AR: variants seen among roughly 807,000 people sequenced by gnomAD.
AR encodes the protein androgen receptor, also known as dihydrotestosterone receptor.
Under a neutral mutation model 53.9 loss-of-function variants are expected in AR, and 8 were observed. That is an observed-to-expected ratio of 0.15 (90% CI 0.09 to 0.27). The LOEUF (loss-of-function observed/expected upper bound fraction) is 0.27. Among genes scored for constraint, AR ranks in the 10% least tolerant of loss-of-function variants. AR has a pLI of 1.00. For synonymous variants in AR, 359 were observed against 316.4 expected, an observed-to-expected ratio of 1.13 and a Z score of -1.43; for missense variants, 639 against 742.5, an observed-to-expected ratio of 0.86 and a Z score of 1.62.
intron 1 of AR, among the ~76,000 whole-genome samples, chrX:67,627,817 G>A (rs1394592872): frequency 1.8e-5 from 2 of 111,600 alleles, no homozygotes; most frequent in South Asian, 3.8e-4. Flanking sequence ...TTTTGTATAA[G>A]GTGTAAGGAA....
At chrX:67,667,698 G>A (rs745998229) in intron 2 of AR, among the ~76,000 whole-genome samples, 15 of 111,244 alleles carry the variant, frequency 1.3e-4, no homozygotes, top group Non-Finnish European at 2.3e-4. Flanking sequence ...CACGAACATG[G>A]AATATCCTTC....
rs981449049 is a variant in AR at position 67,723,899 on chromosome X, C to T, written c.*58C>T. ...CATGCCCCCTTTCAGATGTCTTCTG[C>T]CTGTTATAACTCTGCACTACTCCTC... On this transcript the variant is annotated 3_prime_UTR_variant, in exon 8 of 8. Transcript: ENST00000374690. The T allele has an allele frequency of 8.5e-7, 1 of 1,175,575 alleles. No individual in the cohort carries two copies. The highest frequency in any genetic ancestry group is 1.2e-6 in the Non-Finnish European group (1 of 869,183).
intron 1 of AR, among the ~76,000 whole-genome samples, chrX:67,592,172 A>G (rs1922860129): frequency 8.9e-6 from 1 of 111,877 alleles, no homozygotes; most frequent in Non-Finnish European, 1.9e-5. Flanking sequence ...GAAATTAGCC[A>G]TATTAGGTTT....
intron 1 of AR, among the ~76,000 whole-genome samples, chrX:67,628,097 T>G (rs1273721276): frequency 9.0e-6 from 1 of 111,685 alleles, no homozygotes; most frequent in Non-Finnish European, 1.9e-5. Flanking sequence ...TTCTTTTGGC[T>G]TAGGATTGAC....
At chrX:67,589,419 G>A (rs1204645813) in intron 1 of AR, among the ~76,000 whole-genome samples, 1 of 112,255 alleles carries the variant, frequency 8.9e-6, no homozygotes, top group Admixed American at 9.4e-5. Context: ...GAGTGTGTAT[G>A]TTAGTATGTT....
intron 1 of AR, among the ~76,000 whole-genome samples, chrX:67,627,416 G>C (rs1924736012): frequency 8.9e-6 from 1 of 112,246 alleles, no homozygotes; most frequent in Admixed American, 9.4e-5. Flanking sequence ...TTTTTTGGGT[G>C]CATAAATGTC....
At chrX:67,606,578 T>C (rs1923634699) in intron 1 of AR, among the ~76,000 whole-genome samples, 1 of 112,399 alleles carries the variant, frequency 8.9e-6, no homozygotes. Flanking sequence ...TTTGAAGATA[T>C]TGAACTGTTT....
chrX:67,654,834 G>A (rs1337077), intron 2 of AR, among the ~76,000 whole-genome samples: 6,167 of 96,312 alleles, frequency 0.064, 611 homozygotes, highest in African/African-American at 0.23. Context: ...AAGCTGGATT[G>A]TCTTTTATCT....
intron 1 of AR, among the ~76,000 whole-genome samples, chrX:67,566,234 C>T (rs1241356422): frequency 9.0e-6 from 1 of 111,421 alleles, no homozygotes; most frequent in South Asian, 3.7e-4. Context: ...TCCTGAGTAC[C>T]AACTTTCTAT....
intron 3 of AR, among the ~76,000 whole-genome samples, chrX:67,703,709 A>G (rs781439661): frequency 2.7e-5 from 3 of 111,937 alleles, no homozygotes; most frequent in South Asian, 3.8e-4. Flanking sequence ...GGTTTGTTAC[A>G]TATGTATACA....
intron 1 of AR, among the ~76,000 whole-genome samples, chrX:67,583,291 C>A (rs1048911799): frequency 4.5e-5 from 5 of 112,060 alleles, no homozygotes; most frequent in African/African-American, 9.7e-5. Context: ...ACATTCTATT[C>A]ACATGCTTCA....
At chrX:67,587,939 C>T (rs1480965239) in intron 1 of AR, among the ~76,000 whole-genome samples, 2 of 109,828 alleles carry the variant, frequency 1.8e-5, no homozygotes, top group African/African-American at 6.7e-5. Context: ...GGCATGCATT[C>T]TGAAGTCTGC....
At chrX:67,615,718 A>G (rs1402522075) in intron 1 of AR, among the ~76,000 whole-genome samples, 1 of 111,943 alleles carries the variant, frequency 8.9e-6, no homozygotes, top group African/African-American at 3.2e-5. Flanking sequence ...GTAAAATTGT[A>G]TTGTTATTTG....
At chrX:67,694,874 T>C in intron 3 of AR, 1 of 1,069,964 alleles carries the variant, frequency 9.3e-7, no homozygotes, top group Admixed American at 3.8e-5. Context: ...TCTTGATTGC[T>C]GACTCCCTCC....
intron 3 of AR, among the ~76,000 whole-genome samples, chrX:67,697,365 A>T (rs1057062772): frequency 9.0e-6 from 1 of 111,519 alleles, no homozygotes; most frequent in African/African-American, 3.3e-5. Context: ...ATAGTAAAAA[A>T]CATCATTGAT....
chrX:67,659,165 G>A (rs926092514), intron 2 of AR, among the ~76,000 whole-genome samples: 5 of 111,049 alleles, frequency 4.5e-5, no homozygotes, highest in African/African-American at 1.3e-4. Context: ...GTCAGATAGC[G>A]TTTTCCAGTT....
chrX:67,707,088 T>A (rs899464626), intron 3 of AR, among the ~76,000 whole-genome samples: 1 of 112,018 alleles, frequency 8.9e-6, no homozygotes, highest in African/African-American at 3.2e-5. Context: ...AATTTTGGAA[T>A]AGGTGTGGTG....
At chrX:67,661,032 A>T (rs1013836206) in intron 2 of AR, among the ~76,000 whole-genome samples, 1 of 111,648 alleles carries the variant, frequency 9.0e-6, no homozygotes, top group Admixed American at 9.6e-5. Flanking sequence ...ATTGGTGCAT[A>T]AGAATGCTTG....
chrX:67,592,410 A>G (rs1282324299), intron 1 of AR, among the ~76,000 whole-genome samples: 1 of 111,996 alleles, frequency 8.9e-6, no homozygotes, highest in Non-Finnish European at 1.9e-5. Context: ...TTAAGTAAGA[A>G]GCTCCCTGAA....
Sources: gnomAD v4.1 joint callset for allele counts (sites outside exome capture counted in the v4.1 genomes callset) on GRCh38, gnomAD v4.1.1 for gene constraint, MANE v1.5 for transcripts, NCBI Gene and HGNC (gene_info 2026-07-23, HGNC 2026-07-21) for gene names.